Variants in C12orf42 observed in about 807,000 individuals in gnomAD.
C12orf42 encodes chromosome 12 open reading frame 42.
Under a neutral mutation model 21.6 loss-of-function variants are expected in C12orf42, and 25 were observed. That is an observed-to-expected ratio of 1.16 (90% CI 0.84 to 1.62). The LOEUF (loss-of-function observed/expected upper bound fraction) is 1.62, where lower values mean the gene tolerates loss of function less well. Ranked by LOEUF, C12orf42 falls within the 40% of genes most tolerant of loss-of-function variation. The pLI is 0.00. For synonymous variants in C12orf42, 174 were observed against 175.0 expected (o/e 0.99, Z 0.05); for missense variants, 483 against 459.3 (o/e 1.05, Z -0.47).
the C12orf42 span, among the ~76,000 whole-genome samples, chr12:103,526,841 T>C: frequency 6.6e-6 from 1 of 152,166 alleles, no homozygotes; most frequent in Non-Finnish European, 1.5e-5. Flanking sequence ...AGAAAATAAA[T>C]TTCTATTGTT....
chr12:103,436,394 C>T (rs1950714073), intron 2 of C12orf42, among the ~76,000 whole-genome samples: 1 of 151,758 alleles, frequency 6.6e-6, no homozygotes, highest in Admixed American at 6.6e-5. Context: ...CAAATTCACA[C>T]ATAAAAATAT....
chr12:103,366,669 T>C (rs148352750), intron 4 of C12orf42, among the ~76,000 whole-genome samples: 61 of 152,004 alleles, frequency 4.0e-4, no homozygotes, highest in Non-Finnish European at 7.5e-4. Context: ...TAGACAATTC[T>C]CAAAAGATAT....
the C12orf42 span, among the ~76,000 whole-genome samples, chr12:103,081,943 A>G: frequency 1.3e-5 from 2 of 152,198 alleles, no homozygotes; most frequent in African/African-American, 4.8e-5. Flanking sequence ...TCTTATTACT[A>G]AACACAAATG....
the C12orf42 span, among the ~76,000 whole-genome samples, chr12:103,177,921 T>C: frequency 1.3e-5 from 2 of 152,028 alleles, no homozygotes; most frequent in African/African-American, 2.4e-5. Context: ...CGACAACATG[T>C]AAATAAAGAA....
the C12orf42 span, chr12:103,081,086 A>C: frequency 6.6e-6 from 1 of 152,168 alleles, no homozygotes; most frequent in Non-Finnish European, 1.5e-5. Context: ...TAAATGCCTT[A>C]CTAAGTCTTA....
the C12orf42 span, among the ~76,000 whole-genome samples, chr12:103,068,538 C>A: frequency 2.0e-5 from 3 of 151,936 alleles, no homozygotes; most frequent in East Asian, 5.8e-4. Flanking sequence ...AAGTATTGAT[C>A]CTGGGTGTGT....
the C12orf42 span, among the ~76,000 whole-genome samples, chr12:103,069,885 C>G: frequency 2.6e-5 from 4 of 152,118 alleles, no homozygotes; most frequent in Non-Finnish European, 5.9e-5. Context: ...TAAATAAGGG[C>G]AGGTTTCCTG....
At chr12:103,454,117 C>T (rs1489334871) in intron 2 of C12orf42, among the ~76,000 whole-genome samples, 2 of 152,072 alleles carry the variant, frequency 1.3e-5, no homozygotes, top group African/African-American at 4.8e-5. Context: ...TAGAATTCTT[C>T]CCTGCTCTGG....
chr12:103,090,703 T>C, the C12orf42 span, among the ~76,000 whole-genome samples: 17 of 152,220 alleles, frequency 1.1e-4, no homozygotes, highest in East Asian at 1.9e-4. Context: ...ATTTTTTTTT[T>C]CCCCAGGAAG....
the C12orf42 span, chr12:103,081,598 T>G: frequency 6.6e-6 from 1 of 152,212 alleles, no homozygotes; most frequent in Non-Finnish European, 1.5e-5. Context: ...AGTGTTTTAT[T>G]CTACACAAGT....
intron 2 of C12orf42, among the ~76,000 whole-genome samples, chr12:103,469,537 G>A (rs528295314): frequency 4.2e-4 from 64 of 152,212 alleles, no homozygotes; most frequent in African/African-American, 1.4e-3. Context: ...ATCACTATTT[G>A]TATGCACTGT....
chr12:103,215,624 C>T, the C12orf42 span, among the ~76,000 whole-genome samples: 1 of 152,190 alleles, frequency 6.6e-6, no homozygotes, highest in Non-Finnish European at 1.5e-5. Flanking sequence ...CTGCTCTGTC[C>T]TTCACACTTT....
At chr12:103,134,528 A>G in the C12orf42 span, among the ~76,000 whole-genome samples, 1 of 148,012 alleles carries the variant, frequency 6.8e-6, no homozygotes, top group Non-Finnish European at 1.5e-5. Context: ...GAATTTCAGA[A>G]CTTAAAGACA....
At chr12:103,266,151 T>A (rs1469311811), downstream of C12orf42, among the ~76,000 whole-genome samples, 1 of 152,172 alleles carries the variant, frequency 6.6e-6, no homozygotes, top group Non-Finnish European at 1.5e-5. Context: ...TCTTAAAGTG[T>A]ATTATTGAAG....
chr12:103,305,637 G>A (rs1213720761), intron 5 of C12orf42, among the ~76,000 whole-genome samples: 3 of 152,092 alleles, frequency 2.0e-5, no homozygotes, highest in Admixed American at 2.0e-4. Flanking sequence ...TATTATATGA[G>A]GATTTCATAA....
chr12:103,367,124 A>G (rs1246021088), intron 4 of C12orf42, among the ~76,000 whole-genome samples: 1 of 152,082 alleles, frequency 6.6e-6, no homozygotes, highest in Non-Finnish European at 1.5e-5. Flanking sequence ...ATAAAAAGGA[A>G]TGAATTAATA....
chr12:103,201,596 A>G, the C12orf42 span, among the ~76,000 whole-genome samples: 1 of 152,284 alleles, frequency 6.6e-6, no homozygotes, highest in South Asian at 2.1e-4. Context: ...TGACCATAGA[A>G]TGGTCAAGGT....
the C12orf42 span, among the ~76,000 whole-genome samples, chr12:103,148,302 A>G: frequency 6.6e-6 from 1 of 152,188 alleles, no homozygotes; most frequent in Non-Finnish European, 1.5e-5. Context: ...GATTCTATCA[A>G]GAGTCAAGCC....
the C12orf42 span, among the ~76,000 whole-genome samples, chr12:103,102,003 A>G: frequency 6.6e-6 from 1 of 152,348 alleles, no homozygotes; most frequent in East Asian, 1.9e-4. Flanking sequence ...CTTGAGGCCT[A>G]GAGTTAGAAC....
Sources: allele counts gnomAD v4.1 joint callset (sites outside exome capture counted in the v4.1 genomes callset), GRCh38; gene constraint gnomAD v4.1.1; transcripts MANE v1.5; gene names NCBI Gene and HGNC (gene_info 2026-07-23, HGNC 2026-07-21).